Variants in DSE observed in about 807,000 individuals in gnomAD.
The protein encoded by DSE is dermatan-sulfate epimerase.
DSE carries 36 observed loss-of-function variants against 84.4 expected under a neutral mutation model. That is an observed-to-expected ratio of 0.43 (90% CI 0.33 to 0.56). DSE has a LOEUF of 0.56. Among genes scored for constraint, DSE ranks in the 20% least tolerant of loss-of-function variants. DSE has a pLI of 0.06. For missense variants in DSE, 862 were observed against 1,169.6 expected (o/e 0.74, Z 3.84); for synonymous variants, 410 against 430.1 (o/e 0.95, Z 0.58).
At chr6:116,363,317 T>G (rs1199835653) in intron 2 of DSE, among the ~76,000 whole-genome samples, 1 of 151,986 alleles carries the variant, frequency 6.6e-6, no homozygotes, top group Non-Finnish European at 1.5e-5. Context: ...TGCCACATGT[T>G]TAATGACTGA....
At chr6:116,376,892 A>C (rs1779959782) in intron 1 of DSE, among the ~76,000 whole-genome samples, 1 of 152,214 alleles carries the variant, frequency 6.6e-6, no homozygotes, top group Admixed American at 6.5e-5. Flanking sequence ...ATTTATGTTC[A>C]TCTGCTTTGT....
At chr6:116,331,881 C>T (rs1479504836) in intron 2 of DSE, among the ~76,000 whole-genome samples, 2 of 152,118 alleles carry the variant, frequency 1.3e-5, no homozygotes, top group Non-Finnish European at 2.9e-5. Context: ...TGTTTGAACC[C>T]GAGAGGCGGA....
chr6:116,352,063 G>A (rs1045376080), intron 2 of DSE, among the ~76,000 whole-genome samples: 2 of 152,276 alleles, frequency 1.3e-5, no homozygotes, highest in Non-Finnish European at 2.9e-5. Flanking sequence ...TGTAAACAAA[G>A]CTCATTTCAG....
chr6:116,360,366 G>T (rs753552932), intron 2 of DSE, among the ~76,000 whole-genome samples: 22 of 151,132 alleles, frequency 1.5e-4, no homozygotes, highest in Non-Finnish European at 3.1e-4. Flanking sequence ...TTTGAAAAAG[G>T]TAAGGAATAT....
chr6:116,421,461 A>ATTT (rs1230765123), intron 2 of DSE, among the ~76,000 whole-genome samples: 4 of 76,436 alleles, frequency 5.2e-5, no homozygotes, highest in South Asian at 4.7e-4. Context: ...ATATATATAT[A>ATTT]TATTTTTTTT....
At chr6:116,329,143 T>G (rs1369351542) in intron 2 of DSE, among the ~76,000 whole-genome samples, 1 of 152,252 alleles carries the variant, frequency 6.6e-6, no homozygotes, top group Non-Finnish European at 1.5e-5. Flanking sequence ...ACTTATTATT[T>G]AATAAACATT....
intron 2 of DSE, among the ~76,000 whole-genome samples, chr6:116,314,175 G>T (rs556796083): frequency 1.3e-5 from 2 of 151,966 alleles, no homozygotes; most frequent in African/African-American, 4.8e-5. Flanking sequence ...TCACAATAAG[G>T]ATAAGAGATT....
At chr6:116,316,792 T>A (rs1583004341) in intron 2 of DSE, among the ~76,000 whole-genome samples, 1 of 149,334 alleles carries the variant, frequency 6.7e-6, no homozygotes, top group East Asian at 1.9e-4. Context: ...CTTCTTCTTT[T>A]TGCTTATTTC....
chr6:116,317,612 G>A (rs750266452), intron 2 of DSE, among the ~76,000 whole-genome samples: 2 of 152,216 alleles, frequency 1.3e-5, no homozygotes, highest in Non-Finnish European at 2.9e-5. Context: ...CAAAAGGGGT[G>A]TGTGTGTTGT....
At chr6:116,331,292 T>C (rs919069108) in intron 2 of DSE, among the ~76,000 whole-genome samples, 6 of 152,146 alleles carry the variant, frequency 3.9e-5, no homozygotes, top group Admixed American at 3.9e-4. Context: ...GAGATTTAAT[T>C]GACTCACAGT....
chr6:116,434,453 A>G lies in DSE; in HGVS notation c.1118+903A>G, dbSNP rs958224396. On this transcript the variant is annotated intron_variant, in intron 5 of 5. Transcript: ENST00000644252. ...TTAAGATTATTTTCATAGATAAACT[A>G]AACATATTAAGATGCAACCATCCTT... Among the ~76,000 whole-genome samples, 12 of 150,906 alleles carry G rather than the reference A, an allele frequency of 8.0e-5. No individual in the cohort carries two copies. In the Admixed American group the frequency reaches 8.1e-4, roughly 10 times the overall value.
At chr6:116,342,549 G>A (rs886638499) in intron 2 of DSE, among the ~76,000 whole-genome samples, 1 of 152,172 alleles carries the variant, frequency 6.6e-6, no homozygotes, top group African/African-American at 2.4e-5. Flanking sequence ...AAAGTGCTGG[G>A]ATTACAGGCA....
chr6:116,300,761 TGTAAAGTTTCAGTTCAGG>T (rs1177307725), intron 2 of DSE, among the ~76,000 whole-genome samples: 11 of 152,240 alleles, frequency 7.2e-5, no homozygotes, highest in South Asian at 6.2e-4. Flanking sequence ...TGCTTTTTAG[TGTAAAGTTTCAGTTCAGG>T]GAAAGTTCTG....
chr6:116,285,032 C>A (rs1416924545), intron 2 of DSE, among the ~76,000 whole-genome samples: 1 of 152,058 alleles, frequency 6.6e-6, no homozygotes, highest in South Asian at 2.1e-4. Flanking sequence ...TGGGTATATA[C>A]CCAGTAATGG....
intron 2 of DSE, among the ~76,000 whole-genome samples, chr6:116,340,014 A>G (rs1777495777): frequency 1.3e-5 from 2 of 152,176 alleles, no homozygotes; most frequent in African/African-American, 4.8e-5. Context: ...GTCACTGAGA[A>G]AAAGGATTGA....
upstream of DSE, among the ~76,000 whole-genome samples, chr6:116,365,651 T>A (rs953505940): frequency 6.6e-6 from 1 of 152,228 alleles, no homozygotes; most frequent in Non-Finnish European, 1.5e-5. Context: ...ACATTGGAAC[T>A]ATCTCGTACC....
intron 2 of DSE, among the ~76,000 whole-genome samples, chr6:116,263,378 T>TTA (rs1772492739): frequency 6.7e-6 from 1 of 149,806 alleles, no homozygotes; most frequent in Non-Finnish European, 1.5e-5. Context: ...TTTTTTTTTT[T>TTA]ATCTTTGTTG....
upstream of DSE, chr6:116,370,248 G>A: frequency 4.0e-6 from 1 of 250,208 alleles, no homozygotes. Context: ...TTTGTGAGCT[G>A]CCTACATTAA....
At chr6:116,348,629 A>G (rs1583064915) in intron 2 of DSE, among the ~76,000 whole-genome samples, 1 of 152,216 alleles carries the variant, frequency 6.6e-6, no homozygotes, top group Non-Finnish European at 1.5e-5. Context: ...TACTGGGTAT[A>G]TACCCAAAGG....
Sources: allele counts gnomAD v4.1 joint callset (sites outside exome capture counted in the v4.1 genomes callset), GRCh38; gene constraint gnomAD v4.1.1; transcripts MANE v1.5; gene names NCBI Gene and HGNC (gene_info 2026-07-23, HGNC 2026-07-21).